Variants in CRTAC1 observed in about 807,000 individuals in gnomAD.
CRTAC1 encodes the protein cartilage acidic protein 1, also known as acidic secreted protein in cartilage.
CRTAC1 carries 37 observed loss-of-function variants against 67.8 expected under a neutral mutation model. The observed-to-expected ratio is 0.55, with a 90% CI of 0.42 to 0.72. The LOEUF is 0.72. Ranked by LOEUF, CRTAC1 falls within the 30% of genes least tolerant of loss-of-function variation. The pLI is 0.00. For missense variants in CRTAC1, 780 were observed against 931.6 expected (o/e 0.84, Z 2.12); for synonymous variants, 348 against 371.0 (o/e 0.94, Z 0.71).
intron 3 of CRTAC1, among the ~76,000 whole-genome samples, chr10:97,925,754 TGA>T (rs2050906147): frequency 6.6e-6 from 1 of 151,488 alleles, no homozygotes; most frequent in Admixed American, 6.6e-5. Flanking sequence ...TGGGCATGAC[TGA>T]GAGTGAGTGT....
In CRTAC1 at chr10:97,910,905, G is replaced by A. The variant is rs189097175; in HGVS notation, c.716-2758C>T. ...TTAGCTGCCAAAGAGAGCCCAAGCC[G>A]CATGAAAATGAAGCCACTGAATTCA... On this transcript the variant is annotated intron_variant, in intron 5 of 14. Transcript: ENST00000370597. Among the ~76,000 whole-genome samples the A allele has an allele frequency of 1.1e-3, 164 of 152,312 alleles. 1 individual carries two copies. The highest frequency in any genetic ancestry group is 3.2e-3 in the African/African-American group (134 of 41,564).
intron 9 of CRTAC1, among the ~76,000 whole-genome samples, chr10:97,896,352 C>A (rs1437047468): frequency 1.3e-5 from 2 of 152,112 alleles, no homozygotes; most frequent in East Asian, 3.8e-4. Context: ...ACATAGGCTC[C>A]TTTTGGTCGT....
chr10:97,950,398 GC>G (rs2051336676), intron 2 of CRTAC1, among the ~76,000 whole-genome samples: 1 of 152,136 alleles, frequency 6.6e-6, no homozygotes, highest in Admixed American at 6.5e-5. Context: ...CTGCAGAAAT[GC>G]CCCATTAAAG....
rs777877539 is a variant in CRTAC1, at chr10:97,986,821, G to A, written c.224+24317C>T. 3.9e-5 allele frequency among the ~76,000 whole-genome samples: 6 copies of A among 152,312 alleles called. 1 individual carries two copies. In the South Asian group the frequency reaches 8.3e-4, roughly 21 times the overall value. ...CAGGCCACAACCACCTCCCGGCTCT[G>A]ACCCTTACTAACTGGGTGACCTTCA... On this transcript the variant is annotated intron_variant, in intron 2 of 14. Coordinates refer to ENST00000370597, the MANE Select transcript of CRTAC1 (RefSeq NM_018058.7).
intron 2 of CRTAC1, among the ~76,000 whole-genome samples, chr10:97,991,140 G>A (rs1469744129): frequency 7.1e-6 from 1 of 140,830 alleles, no homozygotes; most frequent in Non-Finnish European, 1.5e-5. Flanking sequence ...TTATCTCAGT[G>A]TTGTGGCATG....
At chr10:97,912,705 C>T (rs1478271373) in intron 5 of CRTAC1, among the ~76,000 whole-genome samples, 4 of 152,192 alleles carry the variant, frequency 2.6e-5, no homozygotes, top group East Asian at 1.9e-4. Flanking sequence ...CACAAGGATT[C>T]GTGGTGCTAA....
At chr10:97,870,774 C>G (rs891841633) in intron 14 of CRTAC1, 1 of 152,028 alleles carries the variant, frequency 6.6e-6, no homozygotes, top group African/African-American at 2.4e-5. Context: ...AATGTCTGCT[C>G]TGCTGTGGGT....
intron 6 of CRTAC1, among the ~76,000 whole-genome samples, chr10:97,906,762 TG>T: frequency 6.6e-6 from 1 of 152,082 alleles, no homozygotes; most frequent in African/African-American, 2.4e-5. Context: ...GGCAAAAAGC[TG>T]GGGGTGGGTG....
chr10:97,896,844 C>A, intron 9 of CRTAC1, 65 bp downstream of exon 9: 2 of 833,206 alleles, frequency 2.4e-6, no homozygotes, highest in South Asian at 1.7e-5. Context: ...CCCTCCCGCC[C>A]TCACCCCAGT....
intron 1 of CRTAC1, among the ~76,000 whole-genome samples, chr10:98,020,125 A>G (rs1426689674): frequency 1.3e-5 from 2 of 152,126 alleles, no homozygotes; most frequent in Non-Finnish European, 2.9e-5. Flanking sequence ...ATACCTGCTA[A>G]CTGCTTCTGT....
intron 1 of CRTAC1, among the ~76,000 whole-genome samples, chr10:98,016,600 T>A (rs138216084): frequency 2.2e-4 from 33 of 152,222 alleles, no homozygotes; most frequent in African/African-American, 7.7e-4. Flanking sequence ...CAGAACCACC[T>A]CGGGTGGAGG....
Position 98,022,798 on chromosome 10 carries a change from T to G in CRTAC1, c.24+7651A>C, listed in dbSNP as rs549162723. 5.3e-5 allele frequency among the ~76,000 whole-genome samples: 8 copies of G among 152,146 alleles called. No individual in the cohort carries two copies. In the East Asian group the frequency reaches 1.5e-3, roughly 29 times the overall value. On this transcript the variant is annotated intron_variant, in intron 1 of 14. Coordinates refer to ENST00000370597, the MANE Select transcript of CRTAC1 (RefSeq NM_018058.7). ...GCATTTTTGAAAGGGCATTTTAGACTTCAGGCAGCAGTGTGCAGGATGGAT... is the reference window on the plus strand; with the variant it reads ...GCATTTTTGAAAGGGCATTTTAGACGTCAGGCAGCAGTGTGCAGGATGGAT...
rs535146092 is a variant in CRTAC1 at position 97,928,173 on chromosome 10, G to A, written c.422-4773C>T. ...TGATTCCCATTTCCACCCTGATTCT[G>A]GCATCTTGGCATTAAAGGAGACTTG... On this transcript the variant is annotated intron_variant, in intron 3 of 14. Coordinates refer to ENST00000370597, the MANE Select transcript of CRTAC1 (RefSeq NM_018058.7). 2.6e-5 allele frequency among the ~76,000 whole-genome samples: 4 copies of A among 151,048 alleles called. No individual in the cohort carries two copies. In the Admixed American group the frequency reaches 2.7e-4, roughly 10 times the overall value.
At chr10:98,019,905 G>A (rs986562740) in intron 1 of CRTAC1, among the ~76,000 whole-genome samples, 7 of 152,190 alleles carry the variant, frequency 4.6e-5, no homozygotes, top group East Asian at 1.9e-4. Context: ...AATCTGAGTC[G>A]GGGAGTGGGA....
intron 2 of CRTAC1, among the ~76,000 whole-genome samples, chr10:97,961,268 A>G (rs1164550651): frequency 2.6e-5 from 4 of 151,980 alleles, no homozygotes; most frequent in Non-Finnish European, 4.4e-5. Context: ...TTTCTCTCTT[A>G]ACAACATGAT....
At chr10:98,024,384 C>T (rs1843182605) in intron 1 of CRTAC1, among the ~76,000 whole-genome samples, 1 of 152,208 alleles carries the variant, frequency 6.6e-6, no homozygotes, top group African/African-American at 2.4e-5. Flanking sequence ...CAAGGTTTCA[C>T]TGATTAATGA....
intron 3 of CRTAC1, among the ~76,000 whole-genome samples, chr10:97,925,973 G>A (rs544602722): frequency 9.8e-4 from 149 of 152,296 alleles, no homozygotes; most frequent in African/African-American, 3.0e-3. Flanking sequence ...CACAGGAGCA[G>A]AAGCATCATC....
At chr10:98,014,420 A>G (rs1432065147) in intron 1 of CRTAC1, among the ~76,000 whole-genome samples, 2 of 152,240 alleles carry the variant, frequency 1.3e-5, no homozygotes, top group African/African-American at 4.8e-5. Context: ...TTCTTGGATA[A>G]GACAGCAAAA....
chr10:98,008,739 C>T (rs1198312524), intron 2 of CRTAC1, among the ~76,000 whole-genome samples: 1 of 152,002 alleles, frequency 6.6e-6, no homozygotes, highest in Non-Finnish European at 1.5e-5. Context: ...TGAGGGAATA[C>T]GAGAGTATAC....
Sources: gnomAD v4.1 joint callset for allele counts (sites outside exome capture counted in the v4.1 genomes callset) on GRCh38, gnomAD v4.1.1 for gene constraint, MANE v1.5 for transcripts, NCBI Gene and HGNC (gene_info 2026-07-23, HGNC 2026-07-21) for gene names.